CLASP1: variants seen among roughly 807,000 people sequenced by gnomAD.
CLASP1 encodes cytoplasmic linker associated protein 1, also known as CLIP-associating protein 1.
Under a neutral mutation model 192.3 loss-of-function variants are expected in CLASP1, and 38 were observed. The ratio of observed to expected loss-of-function variants is 0.20; its 90% CI spans 0.15 to 0.26. The LOEUF is 0.26. Among genes scored for constraint, CLASP1 ranks in the 10% least tolerant of loss-of-function variants. The pLI is 1.00. For synonymous variants in CLASP1, 691 were observed against 712.8 expected (o/e 0.97, Z 0.49); for missense variants, 1,433 against 1,932.5 (o/e 0.74, Z 4.85).
rs368754385 is a variant in CLASP1, at chr2:121,442,283, G to A, written c.1912+5054C>T. Among the ~76,000 whole-genome samples, 17 of 152,158 alleles carry A rather than the reference G, an allele frequency of 1.1e-4. No homozygotes were observed. The South Asian group carries it at 2.9e-3, about 26-fold the overall frequency. ...CAAAAATTACTGAACATAACATACTGAAGATAATAACCTAGAAATAAACTT... is the reference window on the plus strand; with the variant it reads ...CAAAAATTACTGAACATAACATACTAAAGATAATAACCTAGAAATAAACTT... On this transcript the variant is annotated intron_variant, in intron 19 of 39. Coordinates refer to ENST00000263710, the Ensembl canonical transcript of CLASP1.
intron 34 of CLASP1, among the ~76,000 whole-genome samples, chr2:121,374,481 GAGA>G (rs764030696): frequency 2.6e-5 from 4 of 152,242 alleles, no homozygotes; most frequent in Non-Finnish European, 5.9e-5. Context: ...GCAGAGCAGT[GAGA>G]AGAAGGCCAT....
At chr2:121,561,653 G>A (rs1222303036) in intron 2 of CLASP1, among the ~76,000 whole-genome samples, 1 of 152,220 alleles carries the variant, frequency 6.6e-6, no homozygotes, top group Non-Finnish European at 1.5e-5. Context: ...GTGAATTTGT[G>A]TAGGACCACA....
At chr2:121,584,627 ATTC>A (rs2061531468) in intron 2 of CLASP1, among the ~76,000 whole-genome samples, 1 of 152,120 alleles carries the variant, frequency 6.6e-6, no homozygotes, top group African/African-American at 2.4e-5. Flanking sequence ...GTACCCCACA[ATTC>A]TTTTTTTTTT....
At chr2:121,528,633 C>G in intron 4 of CLASP1, 44 bp downstream of exon 4, 4 of 1,499,844 alleles carry the variant, frequency 2.7e-6, no homozygotes, top group Non-Finnish European at 3.7e-6. Context: ...CGTGCATGCA[C>G]GCGCACTGGC....
intron 8 of CLASP1, among the ~76,000 whole-genome samples, chr2:121,490,846 GTAATATGCATAGTC>G (rs2093266774): frequency 6.6e-6 from 1 of 152,184 alleles, no homozygotes. Context: ...CCCAAACCTT[GTAATATGCATAGTC>G]TAATAAACAA....
chr2:121,435,464 G>C (rs1424176026), intron 19 of CLASP1, among the ~76,000 whole-genome samples: 1 of 152,064 alleles, frequency 6.6e-6, no homozygotes, highest in Non-Finnish European at 1.5e-5. Flanking sequence ...AGTAGAGACG[G>C]GGTTTCTCCA....
intron 19 of CLASP1, among the ~76,000 whole-genome samples, chr2:121,435,934 C>T (rs566736470): frequency 1.8e-4 from 28 of 152,292 alleles, no homozygotes; most frequent in African/African-American, 6.7e-4. Flanking sequence ...TCAGACTATT[C>T]AGATTTCCCT....
chr2:121,425,166 C>T (rs2080177624), exon 22 of CLASP1: 2 of 1,611,786 alleles, frequency 1.2e-6, no homozygotes, highest in Admixed American at 1.7e-5. Context: ...GGACTTGTTT[C>T]CCGGCTACAT....
chr2:121,478,733 ACACACACC>A (rs2092047729), intron 8 of CLASP1, among the ~76,000 whole-genome samples: 1 of 84,110 alleles, frequency 1.2e-5, no homozygotes, highest in Non-Finnish European at 2.4e-5. Flanking sequence ...CACACACCAC[ACACACACC>A]CCACACACAC....
chr2:121,466,879 G>A lies in CLASP1; in HGVS notation c.865+2929C>T, dbSNP rs537905862. 4.6e-5 allele frequency among the ~76,000 whole-genome samples: 7 copies of A among 152,270 alleles called. No homozygotes were observed. In the East Asian group the frequency reaches 9.7e-4, roughly 21 times the overall value. Reference sequence around the variant, plus strand: ...GTGCAGGTTGGTTACATAGGTAAACGTGTGCCATGGTGGTTTGCTGCACAG... The same window carrying A: ...GTGCAGGTTGGTTACATAGGTAAACATGTGCCATGGTGGTTTGCTGCACAG... On this transcript the variant is annotated intron_variant, in intron 9 of 39. Coordinates refer to ENST00000263710, the Ensembl canonical transcript of CLASP1.
chr2:121,340,406 G>A (rs575227540), exon 40 of CLASP1: 1 of 156,080 alleles, frequency 6.4e-6, no homozygotes, highest in East Asian at 1.9e-4. Flanking sequence ...TGTCAGCTGT[G>A]AAAGGGGCCC....
intron 25 of CLASP1, among the ~76,000 whole-genome samples, 190 bp downstream of exon 26, chr2:121,407,281 A>G (rs1289570876): frequency 6.6e-6 from 1 of 152,158 alleles, no homozygotes; most frequent in East Asian, 1.9e-4. Flanking sequence ...TGGATGGCAA[A>G]GCAAATGGAT....
intron 2 of CLASP1, among the ~76,000 whole-genome samples, chr2:121,532,940 TCTTAAG>T (rs1233979915): frequency 6.6e-6 from 1 of 152,192 alleles, no homozygotes; most frequent in Non-Finnish European, 1.5e-5. Context: ...TCTGGTGAAA[TCTTAAG>T]CTTATCTGCA....
At position 121,396,358 on chromosome 2, in the gene CLASP1, A is replaced by G. The variant is rs1287305667; in HGVS notation, c.3123+782T>C. Among the ~76,000 whole-genome samples, 4 of 152,234 alleles carry G rather than the reference A, an allele frequency of 2.6e-5. No individual in the cohort carries two copies. The East Asian group carries it at 7.7e-4, about 29-fold the overall frequency. On this transcript the variant is annotated intron_variant, in intron 30 of 39. Coordinates refer to ENST00000263710, the Ensembl canonical transcript of CLASP1. ...TAACTGAAAACAAGTGTTGAAGCTCATTCAAACAGCAAATGAACAAAGTGA... is the reference window on the plus strand; with the variant it reads ...TAACTGAAAACAAGTGTTGAAGCTCGTTCAAACAGCAAATGAACAAAGTGA...
At chr2:121,584,496 G>T (rs1458756771) in intron 2 of CLASP1, among the ~76,000 whole-genome samples, 2 of 152,062 alleles carry the variant, frequency 1.3e-5, no homozygotes, top group Non-Finnish European at 2.9e-5. Context: ...ATCTAAGCCT[G>T]GTTTTTAAGG....
chr2:121,363,414 G>A lies in CLASP1; in HGVS notation c.4078-114C>T, dbSNP rs185303448. 929 of 1,232,442 alleles carry A rather than the reference G, an allele frequency of 7.5e-4. 13 individuals carry two copies. The East Asian group carries it at 9.4e-3, about 12-fold the overall frequency. 76.3% of individuals were successfully genotyped at this position (1,232,442 alleles called of 1,614,324 possible). On this transcript the variant is annotated intron_variant, in intron 36 of 39. Coordinates refer to ENST00000263710, the Ensembl canonical transcript of CLASP1. The stretch of plus-strand genomic sequence containing the variant: ...CCAGTTCTGGGTTCCCTGGAACCTC[G>A]CAGAACCCTCTAAACAGATCACACA...
chr2:121,577,040 T>A (rs576118759), intron 2 of CLASP1, among the ~76,000 whole-genome samples: 1 of 152,290 alleles, frequency 6.6e-6, no homozygotes, highest in East Asian at 1.9e-4. Context: ...TACGGATACA[T>A]ATTAAAATAT....
At chr2:121,578,363 A>T (rs926487441) in intron 2 of CLASP1, among the ~76,000 whole-genome samples, 1 of 140,720 alleles carries the variant, frequency 7.1e-6, no homozygotes, top group African/African-American at 2.6e-5. Context: ...TTGAGGCTGT[A>T]GTGAGATATG....
chr2:121,459,048 T>A (rs2087289454), intron 12 of CLASP1, 73 bp from the exon 13 acceptor site: 1 of 1,094,906 alleles, frequency 9.1e-7, no homozygotes, highest in Admixed American at 2.8e-5. Context: ...CCACTTAACA[T>A]CTAGAGCCTT....
Sources: gnomAD v4.1 joint callset for allele counts (sites outside exome capture counted in the v4.1 genomes callset) on GRCh38, gnomAD v4.1.1 for gene constraint, MANE v1.5 for transcripts, NCBI Gene and HGNC (gene_info 2026-07-23, HGNC 2026-07-21) for gene names.